The following MKLN1 variants were observed in gnomAD, a reference collection of about 807,000 sequenced individuals.
The protein encoded by MKLN1 is muskelin.
A neutral mutation model predicts 99.0 loss-of-function variants in MKLN1; 18 were observed. The observed-to-expected ratio is 0.18, with a 90% confidence interval of 0.13 to 0.27. The LOEUF is 0.27. Among genes scored for constraint, MKLN1 ranks in the 10% least tolerant of loss-of-function variants. The probability of loss-of-function intolerance (pLI) is 1.00; values close to 1 mark genes in which losing one functional copy is unlikely to be tolerated. For synonymous variants in MKLN1, 288 were observed against 293.2 expected (o/e 0.98, Z 0.18); for missense variants, 621 against 875.9 (o/e 0.71, Z 3.67).
At chr7:131,225,087 A>AT (rs1797127051) in intron 3 of MKLN1, among the ~76,000 whole-genome samples, 1 of 151,696 alleles carries the variant, frequency 6.6e-6, no homozygotes, top group South Asian at 2.1e-4. Context: ...AAAAAAAAAA[A>AT]GAAATACTAG....
intron 1 of MKLN1, among the ~76,000 whole-genome samples, chr7:131,354,547 C>T (rs1282154423): frequency 1.3e-5 from 2 of 151,426 alleles, no homozygotes; most frequent in African/African-American, 4.9e-5. Flanking sequence ...GGATTTTTCA[C>T]GTAGGCAAAT....
intron 1 of MKLN1, among the ~76,000 whole-genome samples, chr7:131,356,701 A>C (rs1799892640): frequency 6.6e-6 from 1 of 152,156 alleles, no homozygotes; most frequent in African/African-American, 2.4e-5. Flanking sequence ...TGATTCTTGA[A>C]TATTGAAAGG....
chr7:131,212,417 T>C (rs915579223), intron 3 of MKLN1, among the ~76,000 whole-genome samples: 8 of 152,234 alleles, frequency 5.3e-5, no homozygotes, highest in African/African-American at 1.7e-4. Context: ...TCTTTAACTA[T>C]AGGTCACTTT....
At chr7:131,264,837 T>C (rs951374954) in intron 3 of MKLN1, among the ~76,000 whole-genome samples, 1 of 152,060 alleles carries the variant, frequency 6.6e-6, no homozygotes, top group Non-Finnish European at 1.5e-5. Context: ...ACTTATTCGG[T>C]AATTTTTTTT....
At chr7:131,257,422 C>A (rs1199578072) in intron 3 of MKLN1, among the ~76,000 whole-genome samples, 1 of 152,144 alleles carries the variant, frequency 6.6e-6, no homozygotes, top group Admixed American at 6.5e-5. Flanking sequence ...GAAAGCAAAA[C>A]AAACCAAAAC....
intron 3 of MKLN1, among the ~76,000 whole-genome samples, chr7:131,237,806 G>A (rs1471985604): frequency 2.0e-5 from 3 of 152,110 alleles, no homozygotes; most frequent in African/African-American, 7.2e-5. Context: ...TATTCAGCCT[G>A]GAGACCAAGG....
At chr7:131,380,717 G>C (rs1793818508) in intron 2 of MKLN1, among the ~76,000 whole-genome samples, 1 of 152,076 alleles carries the variant, frequency 6.6e-6, no homozygotes, top group African/African-American at 2.4e-5. Flanking sequence ...GTTTTATTTA[G>C]TTTTGAATAA....
At chr7:131,415,657 T>C (rs1467632564) in intron 8 of MKLN1, among the ~76,000 whole-genome samples, 2 of 152,228 alleles carry the variant, frequency 1.3e-5, no homozygotes, top group African/African-American at 4.8e-5. Flanking sequence ...TTTTGGTCCC[T>C]CTTTCCAAAT....
At chr7:131,151,239 CT>C (rs1165396986) in intron 2 of MKLN1, among the ~76,000 whole-genome samples, 5 of 152,188 alleles carry the variant, frequency 3.3e-5, no homozygotes, top group African/African-American at 1.2e-4. Flanking sequence ...GAAAATAGGA[CT>C]CTGCCAAATT....
intron 2 of MKLN1, among the ~76,000 whole-genome samples, chr7:131,186,340 T>C (rs2116371178): frequency 6.6e-6 from 1 of 152,118 alleles, no homozygotes; most frequent in African/African-American, 2.4e-5. Flanking sequence ...ACTGTCTCTA[T>C]ACAAAATAAT....
rs540404605 is a variant in MKLN1 at position 131,389,354 on chromosome 7, GT to G, written c.400+385del. Among the ~76,000 whole-genome samples the G allele has an allele frequency of 5.5e-3, 841 of 151,992 alleles. 5 individuals carry two copies. The highest frequency in any genetic ancestry group is 6.9e-3 in the Non-Finnish European group (468 of 67,962). ...TTTGATTGCCTTAATTTTATGGAAG[GT>G]TTATCACTTATACTAAAACAATAAT... On this transcript the variant is annotated intron_variant, in intron 4 of 17. Coordinates refer to ENST00000352689, the MANE Select transcript of MKLN1 (RefSeq NM_013255.5).
At chr7:131,195,189 G>C (rs753646668) in intron 2 of MKLN1, among the ~76,000 whole-genome samples, 10 of 152,122 alleles carry the variant, frequency 6.6e-5, no homozygotes, top group Non-Finnish European at 1.3e-4. Context: ...AGGGGAAGAG[G>C]AGACGCGTTA....
Position 131,372,612 on chromosome 7 carries a change from A to G in MKLN1, c.99-2812A>G, listed in dbSNP as rs956757859. On this transcript the variant is annotated intron_variant, in intron 1 of 17. Transcript: ENST00000352689. ...AGCTGTAGAATACATAATAATTTAC[A>G]TGGTATTCTGTACAGACATGTTATA... Among the ~76,000 whole-genome samples the G allele has an allele frequency of 3.9e-5, 6 of 151,928 alleles. No homozygotes were observed. The South Asian group carries it at 6.2e-4, about 16-fold the overall frequency.
chr7:131,444,760 AAGAAGTAGT>A lies in MKLN1; in HGVS notation c.1396-1011_1396-1003del, dbSNP rs1443886101. On this transcript the variant is annotated intron_variant, in intron 11 of 17. Transcript: ENST00000352689. ...GTAGTAGTAGTAGTAGTAGTAGTAG[AAGAAGTAGT>A]AGTAGTAGTAGTAGTAGTAGTAGTA... Among the ~76,000 whole-genome samples the A allele has an allele frequency of 1.2e-4, 7 of 56,354 alleles. No homozygotes were observed. In the South Asian group the frequency reaches 2.4e-3, roughly 20 times the overall value. The allele number at this position is 56,354 out of a possible 152,430, so 37.0% of individuals were successfully genotyped here.
intron 3 of MKLN1, among the ~76,000 whole-genome samples, chr7:131,294,536 G>A (rs370036743): frequency 7.9e-5 from 12 of 152,258 alleles, no homozygotes; most frequent in South Asian, 2.1e-4. Context: ...TTAATCTAAC[G>A]TGATAGAAGG....
intron 3 of MKLN1, among the ~76,000 whole-genome samples, chr7:131,261,162 ACAGTTTCTG>A (rs1221409047): frequency 1.3e-5 from 2 of 152,250 alleles, no homozygotes; most frequent in African/African-American, 4.8e-5. Context: ...ATTAAGCTAA[ACAGTTTCTG>A]CACAGCAAAA....
chr7:131,456,639 C>T (rs931304672), intron 12 of MKLN1, among the ~76,000 whole-genome samples: 1 of 152,222 alleles, frequency 6.6e-6, no homozygotes, highest in Non-Finnish European at 1.5e-5. Context: ...TTCTTCTCTT[C>T]TCCCTTTGTC....
intron 3 of MKLN1, among the ~76,000 whole-genome samples, chr7:131,275,567 A>ATATATATT (rs1336398554): frequency 1.8e-4 from 1 of 5,620 alleles, no homozygotes; most frequent in African/African-American, 4.0e-4. Flanking sequence ...ATATATATAT[A>ATATATATT]TTTTTTTTTT....
intron 16 of MKLN1, among the ~76,000 whole-genome samples, chr7:131,475,653 A>T (rs1288244528): frequency 1.3e-5 from 2 of 152,134 alleles, no homozygotes; most frequent in African/African-American, 4.8e-5. Flanking sequence ...CTCTACAAAA[A>T]CATGCAAAAA....
Sources: allele counts gnomAD v4.1 joint callset (sites outside exome capture counted in the v4.1 genomes callset), GRCh38; gene constraint gnomAD v4.1.1; transcripts MANE v1.5; gene names NCBI Gene and HGNC (gene_info 2026-07-23, HGNC 2026-07-21).